Variants in BEST1 observed in about 807,000 individuals in gnomAD.
BEST1 encodes the protein bestrophin 1, also known as bestrophin-1.
In BEST1, 58 loss-of-function variants were observed where a neutral mutation model predicts 63.3. The observed-to-expected ratio is 0.92, with a 90% CI of 0.74 to 1.14. The LOEUF is 1.14. Ranked by LOEUF, BEST1 falls within the 50% of genes most tolerant of loss-of-function variation. The pLI is 0.00. For synonymous variants in BEST1, 283 were observed against 291.6 expected, an observed-to-expected ratio of 0.97 and a Z score of 0.30; for missense variants, 671 against 740.1, an observed-to-expected ratio of 0.91 and a Z score of 1.08.
rs772120468 is a variant in BEST1, at chr11:61,951,759, C to T, written c.-36-12C>T. ...TCCCTACAAACCCCCAATCGGTGTC[C>T]CTCTCTACCAGGACCCAAGCCCACC... On this transcript the variant is annotated splice_polypyrimidine_tract_variant and intron_variant, in intron 1 of 10. Transcript: ENST00000378043. The T allele has an allele frequency of 6.2e-7, 1 of 1,607,166 alleles. No homozygotes were observed. The highest frequency in any genetic ancestry group is 8.5e-7 in the Non-Finnish European group (1 of 1,179,490).
intron 2 of BEST1, among the ~76,000 whole-genome samples, chr11:61,953,502 G>A (rs1045279648): frequency 1.4e-4 from 21 of 152,182 alleles, no homozygotes; most frequent in African/African-American, 5.1e-4. Context: ...CATGAGGTCA[G>A]GAGTTCAAGA....
chr11:61,955,905 C>T lies in BEST1; in HGVS notation c.435C>T (p.Thr145=), dbSNP rs1316783940. Reference sequence around the variant, plus strand: ...TGCTCATCCTGCGCAGCGTCAGCACCGCAGTCTACAAGCGCTTCCCCAGCG... The same window carrying T: ...TGCTCATCCTGCGCAGCGTCAGCACTGCAGTCTACAAGCGCTTCCCCAGCG... ...GNVLILRSVS[T]AVYKRFPSAQ... The change falls in exon 4 of 11, where the codon ACC becomes ACT. Residue 145 remains threonine, a synonymous_variant. Coordinates refer to ENST00000378043, the MANE Select transcript of BEST1 (RefSeq NM_004183.4). 4.5e-6 allele frequency: 7 copies of T among 1,550,390 alleles called. No homozygotes were observed. The highest frequency in any genetic ancestry group is 6.1e-6 in the Non-Finnish European group (7 of 1,146,900).
In BEST1 at chr11:61,958,180, C is replaced by A; in HGVS notation, c.749C>A (p.Thr250Asn). Residue 250 changes from threonine (T) to asparagine (N), a missense_variant, in exon 7 of 11, where the codon ACT (threonine) becomes AAT (asparagine). Coordinates refer to ENST00000378043, the MANE Select transcript of BEST1 (RefSeq NM_004183.4). ...VTVAVYSFFL[T>N]CLVGRQFLNP... ...GTGGCGGTGTACAGCTTCTTCCTGA[C>A]TTGTCTAGTTGGGCGGCAGTTTCTG... The A allele has an allele frequency of 6.2e-7, 1 of 1,614,066 alleles. No homozygotes were observed. Among genetic ancestry groups the A allele is most frequent in the South Asian group, 1.1e-5 (1 of 91,074 alleles).
rs1942310992 is a variant in BEST1 at position 61,963,742 on chromosome 11, T to C, written c.1740-362T>C. On this transcript the variant is annotated intron_variant, in intron 10 of 10. Transcript: ENST00000378043. ...CCTGTTCAGCAAAGGATGTTAATAT[T>C]TAAGAATCTTGTCTTGGGCTGGGTG... The C allele has an allele frequency of 4.3e-6, 5 of 1,168,254 alleles. No individual in the cohort carries two copies. The East Asian group carries it at 2.9e-4, about 67-fold the overall frequency. 72.4% of individuals were successfully genotyped at this position (1,168,254 alleles called of 1,614,324 possible).
intron 7 of BEST1, chr11:61,959,264 A>T (rs1941774277): frequency 1.7e-6 from 1 of 586,118 alleles, no homozygotes; most frequent in African/African-American, 1.9e-5. Flanking sequence ...ACTCAGGGAC[A>T]GCTGTGGGTG....
intron 8 of BEST1, 51 bp from the exon 9 acceptor site, chr11:61,959,841 T>C (rs773833127): frequency 6.2e-7 from 1 of 1,606,772 alleles, no homozygotes; most frequent in Non-Finnish European, 8.5e-7. Flanking sequence ...ACATACAAGG[T>C]CCTGCCTGGG....
At position 61,951,846 on chromosome 11, in the gene BEST1, T is replaced by C; in HGVS notation, c.40T>C (p.Leu14=). The change falls in exon 2 of 11, where the codon TTA becomes CTA. Residue 14 remains leucine, a synonymous_variant. Coordinates refer to ENST00000378043, the MANE Select transcript of BEST1 (RefSeq NM_004183.4). ...TYTSQVANAR[L]GSFSRLLLCW... is the part of the protein sequence containing the mutation. Reference sequence around the variant, plus strand: ...CACAAGCCAAGTGGCTAATGCCCGCTTAGGCTCCTTCTCCCGCCTGCTGCT... The same window carrying C: ...CACAAGCCAAGTGGCTAATGCCCGCCTAGGCTCCTTCTCCCGCCTGCTGCT... The C allele has an allele frequency of 6.2e-7, 1 of 1,613,750 alleles. No homozygotes were observed. Among genetic ancestry groups the C allele is most frequent in the African/African-American group, 1.3e-5 (1 of 75,056 alleles).
chr11:61,955,294 TG>T, intron 3 of BEST1, 93 bp downstream of exon 3: 1 of 1,069,338 alleles, frequency 9.4e-7, no homozygotes, highest in South Asian at 1.3e-5. Flanking sequence ...GGCAAGGGGC[TG>T]GGGAGGGGGC....
chr11:61,953,664 C>T (rs994797074), intron 2 of BEST1, among the ~76,000 whole-genome samples: 1 of 152,046 alleles, frequency 6.6e-6, no homozygotes, highest in African/African-American at 2.4e-5. Flanking sequence ...GAGCCGAGAC[C>T]ATGCCATTGC....
chr11:61,959,811 A>G lies in BEST1; in HGVS notation c.949-81A>G, dbSNP rs779116129. 26 of 1,573,642 alleles carry G rather than the reference A, an allele frequency of 1.7e-5. No individual in the cohort carries two copies. In the African/African-American group the frequency reaches 2.0e-4, roughly 12 times the overall value. The stretch of plus-strand genomic sequence containing the variant: ...AACTGAGGTCCAGAGAGAGGGAGAG[A>G]TTCCTCCAAGTCATCAGGCACATAC... On this transcript the variant is annotated intron_variant, in intron 8 of 10. Coordinates refer to ENST00000378043, the MANE Select transcript of BEST1 (RefSeq NM_004183.4).
rs1554965067 is a variant in BEST1 at position 61,964,101 on chromosome 11, T to G, written c.1740-3T>G. ...ATGCTGTTAATACTTTCATTCTCAC[T>G]AGGGATGAAGCACATTCCTAACCTG... On this transcript the variant is annotated splice_polypyrimidine_tract_variant and splice_region_variant and intron_variant, in intron 10 of 10. Transcript: ENST00000378043. The G allele has an allele frequency of 8.1e-6, 13 of 1,613,860 alleles. No individual in the cohort carries two copies. Among genetic ancestry groups the G allele is most frequent in the Non-Finnish European group, 1.1e-5 (13 of 1,179,994 alleles).
rs1249312454 is a variant in BEST1, at chr11:61,962,820, T to C, written c.1666T>C (p.Leu556=). The C allele has an allele frequency of 4.3e-6, 7 of 1,614,098 alleles. No individual in the cohort carries two copies. The highest frequency in any genetic ancestry group is 5.9e-6 in the Non-Finnish European group (7 of 1,180,016). The change falls in exon 10 of 11, where the codon TTG becomes CTG. Residue 556 remains leucine, a synonymous_variant. Coordinates refer to ENST00000378043, the MANE Select transcript of BEST1 (RefSeq NM_004183.4). ...EIPENHLKEP[L]EQSPTNIHTT... The stretch of plus-strand genomic sequence containing the variant: ...CCCCGAAAATCACCTCAAAGAACCT[T>C]TGGAACAATCACCAACCAACATACA...
chr11:61,963,137 TGAAG>T, intron 10 of BEST1: 1 of 1,456,976 alleles, frequency 6.9e-7, no homozygotes, highest in Non-Finnish European at 9.1e-7. Flanking sequence ...TGGGACCAGG[TGAAG>T]GAAGATGAGG....
intron 2 of BEST1, among the ~76,000 whole-genome samples, chr11:61,954,086 T>C (rs577041164): frequency 1.8e-4 from 28 of 152,314 alleles, no homozygotes; most frequent in Admixed American, 2.0e-4. Flanking sequence ...ACAAAGCACA[T>C]TGGTCTTTGG....
rs1474961573 is a variant in BEST1, at chr11:61,958,292, G to C, written c.861G>C (p.Trp287Cys). The change falls in exon 7 of 11, where the codon TGG becomes TGC. Residue 287 changes from tryptophan to cysteine, a missense_variant. By Grantham distance (215) the Trp-to-Cys change is radical. Coordinates refer to ENST00000378043, the MANE Select transcript of BEST1 (RefSeq NM_004183.4). The part of the protein sequence containing the change: ...TFLQFFFYVG[W>C]LKVAEQLINP... Reference sequence around the variant, plus strand: ...TGCAGTTCTTCTTCTATGTTGGCTGGCTGAAGGTGGGCCTCTCCAGGGCCC... The same window carrying C: ...TGCAGTTCTTCTTCTATGTTGGCTGCCTGAAGGTGGGCCTCTCCAGGGCCC... 2 of 1,614,108 alleles carry C rather than the reference G, an allele frequency of 1.2e-6. No homozygotes were observed. The highest frequency in any genetic ancestry group is 3.3e-5 in the Admixed American group (2 of 60,010).
At chr11:61,955,648 C>T (rs1941231866) in intron 3 of BEST1, 70 bp from the exon 4 acceptor site, 2 of 1,473,642 alleles carry the variant, frequency 1.4e-6, no homozygotes, top group Non-Finnish European at 1.8e-6. Context: ...GAGGCATCGC[C>T]GGGCGCTGGG....
At chr11:61,964,657 C>G (rs549950643), downstream of BEST1, 28 of 1,508,200 alleles carry the variant, frequency 1.9e-5, 1 homozygote, top group South Asian at 2.9e-4. Context: ...TAAAGGAAAC[C>G]CCAACATGCA....
chr11:61,954,242 A>C (rs910841320), intron 2 of BEST1, among the ~76,000 whole-genome samples: 4 of 151,996 alleles, frequency 2.6e-5, no homozygotes, highest in African/African-American at 9.7e-5. Flanking sequence ...CCCACTATCA[A>C]CACCCCCACA....
chr11:61,964,659 C>G (rs1197549002), downstream of BEST1: 1 of 1,518,576 alleles, frequency 6.6e-7, no homozygotes, highest in East Asian at 2.2e-5. Context: ...AAGGAAACCC[C>G]AACATGCATG....
Sources: allele counts gnomAD v4.1 joint callset (sites outside exome capture counted in the v4.1 genomes callset), GRCh38; gene constraint gnomAD v4.1.1; transcripts MANE v1.5; gene names NCBI Gene and HGNC (gene_info 2026-07-23, HGNC 2026-07-21).